USH2A: variants seen among roughly 807,000 people sequenced by gnomAD.
USH2A encodes usherin.
USH2A carries 443 observed loss-of-function variants against 538.9 expected under a neutral mutation model. The observed-to-expected ratio is 0.82, with a 90% CI of 0.76 to 0.89. USH2A has a LOEUF of 0.89. USH2A is among the 40% of genes least tolerant of loss of function. The pLI is 0.00. For synonymous variants in USH2A, 2,413 were observed against 2,273.5 expected (o/e 1.06, Z -1.75); for missense variants, 6,633 against 6,324.8 (o/e 1.05, Z -1.65).
At chr1:216,190,495 A>AT in intron 19 of USH2A, 128 bp from the exon 20 acceptor site, 2 of 1,218,772 alleles carry the variant, frequency 1.6e-6, no homozygotes, top group Non-Finnish European at 2.3e-6. Flanking sequence ...CATTAGGAAA[A>AT]GGGTTTTTTT....
At chr1:215,912,877 C>G (rs188154136) in intron 38 of USH2A, among the ~76,000 whole-genome samples, 222 of 152,132 alleles carry the variant, frequency 1.5e-3, no homozygotes, top group African/African-American at 4.7e-3. Context: ...TCATGTAGCT[C>G]TCACCTTTTG....
At chr1:216,107,703 T>A (rs1243728019) in intron 21 of USH2A, among the ~76,000 whole-genome samples, 4 of 151,430 alleles carry the variant, frequency 2.6e-5, no homozygotes, top group Admixed American at 2.6e-4. Context: ...TTTTTTGCAT[T>A]TGCTGTTTGC....
chr1:216,085,466 A>G (rs1477356977), intron 24 of USH2A, among the ~76,000 whole-genome samples: 1 of 152,094 alleles, frequency 6.6e-6, no homozygotes, highest in Non-Finnish European at 1.5e-5. Flanking sequence ...AAGAAAAAAA[A>G]ATCAAGAGGA....
At chr1:216,381,834 C>T (rs1294531114) in intron 3 of USH2A, among the ~76,000 whole-genome samples, 3 of 152,166 alleles carry the variant, frequency 2.0e-5, no homozygotes, top group Non-Finnish European at 2.9e-5. Flanking sequence ...TCTAATCATA[C>T]CCAAGTCTCG....
At chr1:215,833,771 G>A (rs1345888775) in intron 47 of USH2A, among the ~76,000 whole-genome samples, 1 of 151,880 alleles carries the variant, frequency 6.6e-6, no homozygotes, top group Non-Finnish European at 1.5e-5. Context: ...ATAAGGTAGA[G>A]AAGAAATATC....
intron 43 of USH2A, among the ~76,000 whole-genome samples, chr1:215,871,245 T>G (rs954845224): frequency 3.3e-5 from 5 of 152,198 alleles, no homozygotes; most frequent in African/African-American, 1.2e-4. Flanking sequence ...TCATAAAAAA[T>G]AATATGTGTT....
chr1:216,361,682 A>G (rs896110372), intron 4 of USH2A, among the ~76,000 whole-genome samples: 3 of 152,216 alleles, frequency 2.0e-5, no homozygotes, highest in African/African-American at 4.8e-5. Flanking sequence ...CATGGCTACA[A>G]GAATGGCAAA....
chr1:216,164,186 G>A (rs920971593), intron 21 of USH2A, among the ~76,000 whole-genome samples: 2 of 152,024 alleles, frequency 1.3e-5, no homozygotes, highest in Non-Finnish European at 2.9e-5. Context: ...AACTGCATAC[G>A]AACCGAATGA....
At chr1:215,961,015 C>T (rs564437435) in intron 37 of USH2A, among the ~76,000 whole-genome samples, 2 of 152,082 alleles carry the variant, frequency 1.3e-5, no homozygotes, top group African/African-American at 4.8e-5. Flanking sequence ...TTTTACACAC[C>T]ACAAACTAGT....
chr1:216,179,008 A>G lies in USH2A; in HGVS notation c.4397-3526T>C, dbSNP rs539481231. ...GAGAAGAAGTATGAATATGCCTCCT[A>G]TGCTTCTTAAAAGCTGAAGAATTTC... is the stretch of plus-strand genomic sequence containing the variant. On this transcript the variant is annotated intron_variant, in intron 20 of 71. Transcript: ENST00000307340. 1.6e-4 allele frequency among the ~76,000 whole-genome samples: 24 copies of G among 152,228 alleles called. No homozygotes were observed. In the East Asian group the frequency reaches 4.6e-3, roughly 29 times the overall value.
At chr1:215,750,042 A>C (rs1198513063) in intron 58 of USH2A, among the ~76,000 whole-genome samples, 1 of 152,214 alleles carries the variant, frequency 6.6e-6, no homozygotes, top group African/African-American at 2.4e-5. Flanking sequence ...GGACAAGTCA[A>C]TCAATAATCC....
chr1:215,931,769 T>C (rs1666368684), intron 38 of USH2A, among the ~76,000 whole-genome samples: 1 of 152,026 alleles, frequency 6.6e-6, no homozygotes. Context: ...AAGATAGAAA[T>C]GTGAGTAAGA....
At chr1:215,820,479 A>T (rs1034069435) in intron 47 of USH2A, among the ~76,000 whole-genome samples, 11 of 151,860 alleles carry the variant, frequency 7.2e-5, no homozygotes, top group African/African-American at 2.4e-4. Context: ...AGATGTACAT[A>T]TTTCAGGGTC....
intron 61 of USH2A, among the ~76,000 whole-genome samples, chr1:215,719,362 C>CAAAAA (rs375176415): frequency 1.3e-4 from 10 of 74,600 alleles, no homozygotes; most frequent in Admixed American, 3.3e-4. Flanking sequence ...CCTCAGGAGA[C>CAAAAA]AAAAAAAAAA....
chr1:216,259,895 C>A (rs1346968547), intron 11 of USH2A, among the ~76,000 whole-genome samples: 3 of 151,588 alleles, frequency 2.0e-5, no homozygotes, highest in Non-Finnish European at 4.4e-5. Flanking sequence ...ATATATTTTT[C>A]AAAAATTTCA....
At chr1:216,150,531 C>T (rs1324187978) in intron 21 of USH2A, among the ~76,000 whole-genome samples, 12 of 152,088 alleles carry the variant, frequency 7.9e-5, no homozygotes, top group South Asian at 4.2e-4. Context: ...CAGCTGTCCC[C>T]GTCTTACAGA....
At chr1:215,981,968 T>C (rs1178290994) in intron 35 of USH2A, among the ~76,000 whole-genome samples, 1 of 152,234 alleles carries the variant, frequency 6.6e-6, no homozygotes, top group Non-Finnish European at 1.5e-5. Context: ...GCCAATTATT[T>C]TGAAGTATCA....
chr1:216,255,437 A>C (rs1239243677), intron 11 of USH2A, among the ~76,000 whole-genome samples: 1 of 152,158 alleles, frequency 6.6e-6, no homozygotes, highest in Non-Finnish European at 1.5e-5. Context: ...TTTCATTTTC[A>C]TTCAGTTCAA....
At chr1:216,330,715 G>C (rs1402157494) in intron 4 of USH2A, among the ~76,000 whole-genome samples, 1 of 152,032 alleles carries the variant, frequency 6.6e-6, no homozygotes, top group Non-Finnish European at 1.5e-5. Context: ...GAAGCCATTG[G>C]AGGGTTTTGA....
Sources: allele counts gnomAD v4.1 joint callset (sites outside exome capture counted in the v4.1 genomes callset), GRCh38; gene constraint gnomAD v4.1.1; transcripts MANE v1.5; gene names NCBI Gene and HGNC (gene_info 2026-07-23, HGNC 2026-07-21).